Variants in TUT7 observed in about 807,000 individuals in gnomAD.
TUT7 encodes terminal uridylyltransferase 7.
A neutral mutation model predicts 165.9 loss-of-function variants in TUT7; 33 were observed. The observed-to-expected ratio is 0.20, with a 90% confidence interval of 0.15 to 0.27. The LOEUF (loss-of-function observed/expected upper bound fraction) is 0.27. Among genes scored for constraint, TUT7 ranks in the 10% least tolerant of loss-of-function variants. The pLI, the probability that TUT7 is intolerant of heterozygous loss-of-function variation, is 1.00. For missense variants in TUT7, 1,338 were observed against 1,762.3 expected (o/e 0.76, Z 4.31); for synonymous variants, 552 against 608.1 (o/e 0.91, Z 1.36).
intron 6 of TUT7, 74 bp downstream of exon 6, chr9:86,343,001 C>A: frequency 1.0e-6 from 1 of 990,802 alleles, no homozygotes; most frequent in Non-Finnish European, 1.6e-6. Flanking sequence ...AAAATATATT[C>A]ATAGACAGTT....
Position 86,323,044 on chromosome 9 carries a change from A to G in TUT7, c.2706T>C (p.Ala902=), listed in dbSNP as rs1829459944. 4 of 1,614,162 alleles carry G rather than the reference A, an allele frequency of 2.5e-6. No homozygotes were observed. Among genetic ancestry groups the G allele is most frequent in the African/African-American group, 1.3e-5 (1 of 75,046 alleles). ...ATTCTTTCACGTCTTCATACTTAGC[A>G]GCTTCGCCTAACTCATCATCCTCTT... ...LSEEDDELGE[A]AKYEDVKECG... Residue 902 remains alanine (A), a synonymous_variant, in exon 13 of 27, where the codon GCT becomes GCC. Coordinates refer to ENST00000375963, the MANE Select transcript of TUT7 (RefSeq NM_024617.4).
At chr9:86,296,919 C>T (rs2131276789) in intron 26 of TUT7, among the ~76,000 whole-genome samples, 1 of 152,282 alleles carries the variant, frequency 6.6e-6, no homozygotes, top group South Asian at 2.1e-4. Context: ...CTGACATATA[C>T]TTATTTGGAA....
intron 2 of TUT7, among the ~76,000 whole-genome samples, chr9:86,351,433 C>T (rs1832294462): frequency 2.0e-5 from 3 of 152,032 alleles, no homozygotes; most frequent in Admixed American, 2.0e-4. Flanking sequence ...GAGACTCCGT[C>T]TCAAAAAATA....
intron 2 of TUT7, among the ~76,000 whole-genome samples, chr9:86,351,997 T>C (rs183987068): frequency 6.6e-6 from 1 of 152,324 alleles, no homozygotes; most frequent in East Asian, 1.9e-4. Context: ...ATTATCTCCT[T>C]ATTATCCCTT....
intron 25 of TUT7, 100 bp from the exon 26 acceptor site, chr9:86,301,701 T>C: frequency 6.6e-7 from 1 of 1,511,278 alleles, no homozygotes. Context: ...ATTTAAGAGA[T>C]GACCAGGAAT....
chr9:86,296,858 CA>C (rs2131276448), intron 26 of TUT7, among the ~76,000 whole-genome samples: 1 of 152,288 alleles, frequency 6.6e-6, no homozygotes, highest in East Asian at 1.9e-4. Context: ...TTTATAACAA[CA>C]TAGATAATTT....
chr9:86,313,169 A>T (rs899088481), intron 17 of TUT7, among the ~76,000 whole-genome samples: 9 of 138,694 alleles, frequency 6.5e-5, no homozygotes, highest in East Asian at 4.5e-4. Context: ...AATAAATAAA[A>T]AGAATTATCC....
chr9:86,342,206 T>G lies in TUT7; in HGVS notation c.1086+869A>C, dbSNP rs373181365. On this transcript the variant is annotated intron_variant, in intron 6 of 26. Coordinates refer to ENST00000375963, the MANE Select transcript of TUT7 (RefSeq NM_024617.4). ...GAGAGAGGTGGGGCTGGCCAGGCTG[T>G]TCATGAACTCCTGGGCTCAAGTAAC... Among the ~76,000 whole-genome samples the G allele has an allele frequency of 4.1e-3, 621 of 152,128 alleles. 2 individuals are homozygous for G. The highest frequency in any genetic ancestry group is 6.8e-3 in the Non-Finnish European group (460 of 67,978).
intron 5 of TUT7, among the ~76,000 whole-genome samples, chr9:86,344,064 T>C (rs1303110967): frequency 6.6e-6 from 1 of 152,202 alleles, no homozygotes; most frequent in Non-Finnish European, 1.5e-5. Context: ...TTTCCCTTAT[T>C]CTTATGAAAG....
chr9:86,313,944 T>C (rs1587907189), intron 17 of TUT7, among the ~76,000 whole-genome samples: 1 of 152,226 alleles, frequency 6.6e-6, no homozygotes, highest in South Asian at 2.1e-4. Flanking sequence ...ACAGAGGAAA[T>C]GAAACTTAAT....
At chr9:86,297,369 A>T (rs1826419224) in intron 26 of TUT7, among the ~76,000 whole-genome samples, 1 of 152,202 alleles carries the variant, frequency 6.6e-6, no homozygotes, top group Non-Finnish European at 1.5e-5. Context: ...GAGAAAACTG[A>T]GGCATATGGA....
At position 86,322,393 on chromosome 9, in the gene TUT7, A is replaced by G. The variant is rs1829390040; in HGVS notation, c.2960T>C (p.Leu987Pro). The change falls in exon 14 of 27, where the codon CTA becomes CCA. Residue 987 changes from leucine (L) to proline (P), a missense_variant. Transcript: ENST00000375963. ...GGGTGTTAATGGTGGCAGAGGTTCT[A>G]GCTGGATTCTTTTGAAGTCTTCAGG... The part of the protein sequence containing the change: ...DCPEDFKRIQ[L>P]EPLPPLTPKF... The G allele has an allele frequency of 6.2e-7, 1 of 1,614,136 alleles. No homozygotes were observed. Among genetic ancestry groups the G allele is most frequent in the African/African-American group, 1.3e-5 (1 of 75,060 alleles).
chr9:86,303,153 T>C lies in TUT7; in HGVS notation c.4027A>G (p.Asn1343Asp). 1 of 1,611,226 alleles carries C rather than the reference T, an allele frequency of 6.2e-7. No individual in the cohort carries two copies. The change falls in exon 25 of 27, where the codon AAT becomes GAT. Residue 1343 changes from asparagine (N) to aspartate (D), a missense_variant. Asn to Asp is a conservative substitution (Grantham distance 23). Transcript: ENST00000375963. ...DVLTEGELAPNDRCCRICGKI... is the reference protein window; with the variant it reads ...DVLTEGELAPDDRCCRICGKI... ...CCACAAATTCGACAACATCTATCAT[T>C]TGGGGCCAGCTCTCCTTCAGTTAAC...
chr9:86,351,409 C>A (rs1832291964), intron 2 of TUT7, among the ~76,000 whole-genome samples: 1 of 152,152 alleles, frequency 6.6e-6, no homozygotes, highest in South Asian at 2.1e-4. Flanking sequence ...GTACTCCAGC[C>A]TGGGTGACAG....
At chr9:86,319,715 C>T (rs772108582) in intron 14 of TUT7, 45 bp from the exon 15 acceptor site, 3 of 1,269,906 alleles carry the variant, frequency 2.4e-6, no homozygotes, top group Non-Finnish European at 3.3e-6. Flanking sequence ...AGCCGGTTGA[C>T]ACTCTTAGAA....
chr9:86,316,401 T>C (rs1247673848), intron 17 of TUT7, among the ~76,000 whole-genome samples: 1 of 152,136 alleles, frequency 6.6e-6, no homozygotes, highest in Admixed American at 6.5e-5. Flanking sequence ...GTTCAGAGAC[T>C]AGCCTGGACA....
At chr9:86,336,728 A>G (rs539264886) in intron 10 of TUT7, among the ~76,000 whole-genome samples, 1 of 152,344 alleles carries the variant, frequency 6.6e-6, no homozygotes, top group African/African-American at 2.4e-5. Flanking sequence ...AAGTGTATCA[A>G]GGTAATACCA....
chr9:86,315,358 T>C (rs1048360953), intron 17 of TUT7, among the ~76,000 whole-genome samples: 2 of 152,224 alleles, frequency 1.3e-5, no homozygotes, highest in Admixed American at 6.5e-5. Flanking sequence ...TTAGGAAATA[T>C]ATACTGAGGT....
At chr9:86,350,418 C>G (rs898091372) in intron 2 of TUT7, among the ~76,000 whole-genome samples, 1 of 152,192 alleles carries the variant, frequency 6.6e-6, no homozygotes, top group Non-Finnish European at 1.5e-5. Context: ...TACCCACATC[C>G]CACCTGGACA....
Sources: gnomAD v4.1 joint callset for allele counts (sites outside exome capture counted in the v4.1 genomes callset) on GRCh38, gnomAD v4.1.1 for gene constraint, MANE v1.5 for transcripts, NCBI Gene and HGNC (gene_info 2026-07-23, HGNC 2026-07-21) for gene names.